The following GALNT13 variants were observed in gnomAD, a reference collection of about 807,000 sequenced individuals.
The protein encoded by GALNT13 is UDP-GalNAc:polypeptide N-acetylgalactosaminyltransferase 13.
Under a neutral mutation model 64.2 loss-of-function variants are expected in GALNT13, and 28 were observed. The observed-to-expected ratio is 0.44, with a 90% CI of 0.32 to 0.60. GALNT13 has a LOEUF of 0.60. GALNT13 is among the 20% of genes least tolerant of loss of function. The pLI is 0.05. For synonymous variants in GALNT13, 214 were observed against 224.6 expected (o/e 0.95, Z 0.42); for missense variants, 577 against 669.8 (o/e 0.86, Z 1.53).
the GALNT13 span, among the ~76,000 whole-genome samples, chr2:153,603,427 C>T: frequency 6.6e-6 from 1 of 151,916 alleles, no homozygotes; most frequent in Non-Finnish European, 1.5e-5. Flanking sequence ...CATTCTGGAA[C>T]AGATACCCAG....
chr2:153,623,064 A>C, the GALNT13 span, among the ~76,000 whole-genome samples: 3 of 152,064 alleles, frequency 2.0e-5, no homozygotes, highest in Non-Finnish European at 4.4e-5. Context: ...CTTCTTTATT[A>C]ATTCTGATGC....
At chr2:153,148,326 A>G in the GALNT13 span, among the ~76,000 whole-genome samples, 4 of 151,882 alleles carry the variant, frequency 2.6e-5, no homozygotes, top group East Asian at 7.8e-4. Context: ...AGGAGGACAT[A>G]CACTCCAGGA....
At chr2:153,255,973 T>C in the GALNT13 span, among the ~76,000 whole-genome samples, 2 of 152,168 alleles carry the variant, frequency 1.3e-5, no homozygotes, top group Admixed American at 6.5e-5. Context: ...AGGAATATCT[T>C]TGTGGCGTTC....
intron 11 of GALNT13, 36 bp from the exon 12 acceptor site, chr2:154,438,556 A>G (rs1350770616): frequency 3.9e-6 from 6 of 1,532,724 alleles, no homozygotes; most frequent in Middle Eastern, 1.7e-4. Flanking sequence ...ATTTTAAAAC[A>G]TACATTTTTT....
the GALNT13 span, among the ~76,000 whole-genome samples, chr2:153,350,490 C>G: frequency 6.7e-6 from 1 of 149,754 alleles, no homozygotes; most frequent in Non-Finnish European, 1.5e-5. Context: ...TCAAGCGATT[C>G]TCCTACCTCA....
chr2:153,739,625 A>T, the GALNT13 span, among the ~76,000 whole-genome samples: 7 of 69,830 alleles, frequency 1.0e-4, no homozygotes, highest in South Asian at 5.9e-4. Context: ...GATTTTATTT[A>T]TTATTTTATT....
chr2:154,103,009 A>G (rs1702427257), intron 3 of GALNT13, among the ~76,000 whole-genome samples: 1 of 151,610 alleles, frequency 6.6e-6, no homozygotes, highest in Non-Finnish European at 1.5e-5. Flanking sequence ...TTTGTATAGT[A>G]TTTTCCAGGT....
At chr2:154,383,519 T>C (rs1255256835) in intron 9 of GALNT13, among the ~76,000 whole-genome samples, 1 of 152,012 alleles carries the variant, frequency 6.6e-6, no homozygotes, top group Admixed American at 6.6e-5. Context: ...AGATGCTCCT[T>C]GAGTTACTAA....
the GALNT13 span, among the ~76,000 whole-genome samples, chr2:153,406,517 C>T: frequency 1.8e-4 from 27 of 152,028 alleles, no homozygotes; most frequent in African/African-American, 6.0e-4. Flanking sequence ...AAGCGATTCT[C>T]GTGCCTCAGT....
intron 2 of GALNT13, among the ~76,000 whole-genome samples, chr2:153,925,912 G>C (rs946752104): frequency 6.6e-6 from 1 of 152,104 alleles, no homozygotes; most frequent in African/African-American, 2.4e-5. Context: ...TTTGTATCCT[G>C]AAACTTTGCT....
chr2:154,099,780 A>G (rs1360413392), intron 3 of GALNT13, among the ~76,000 whole-genome samples: 2 of 152,088 alleles, frequency 1.3e-5, no homozygotes, highest in Non-Finnish European at 1.5e-5. Context: ...TCTACAAAAA[A>G]TTTTAAGAAA....
At chr2:153,720,181 G>A in the GALNT13 span, among the ~76,000 whole-genome samples, 2 of 146,012 alleles carry the variant, frequency 1.4e-5, no homozygotes, top group African/African-American at 5.2e-5. Context: ...TAACTGGGAG[G>A]CACCCCCCAG....
the GALNT13 span, among the ~76,000 whole-genome samples, chr2:153,732,438 G>C: frequency 7.2e-5 from 11 of 151,974 alleles, no homozygotes; most frequent in African/African-American, 2.7e-4. Context: ...TACCACCACA[G>C]TTGATTCTCA....
At chr2:153,439,907 C>T in the GALNT13 span, among the ~76,000 whole-genome samples, 22 of 152,320 alleles carry the variant, frequency 1.4e-4, no homozygotes, top group East Asian at 3.3e-3. Flanking sequence ...TTTTCTGTGT[C>T]GCTCACGCTG....
intron 3 of GALNT13, among the ~76,000 whole-genome samples, chr2:154,023,390 T>A (rs998128983): frequency 3.3e-5 from 5 of 152,326 alleles, no homozygotes; most frequent in African/African-American, 4.8e-5. Flanking sequence ...ATTGGGTATA[T>A]GTATATATTT....
chr2:153,675,498 A>C, the GALNT13 span, among the ~76,000 whole-genome samples: 1 of 152,124 alleles, frequency 6.6e-6, no homozygotes, highest in Non-Finnish European at 1.5e-5. Flanking sequence ...GAATAACAAG[A>C]ACACGTGGAC....
the GALNT13 span, among the ~76,000 whole-genome samples, chr2:153,185,194 G>T: frequency 2.0e-5 from 3 of 152,108 alleles, no homozygotes; most frequent in East Asian, 1.9e-4. Flanking sequence ...TCTTAGGAGG[G>T]TACATGTGTC....
the GALNT13 span, among the ~76,000 whole-genome samples, chr2:153,723,892 C>T: frequency 5.1e-4 from 77 of 150,842 alleles, no homozygotes; most frequent in East Asian, 0.011. Flanking sequence ...AGGTAATTTA[C>T]AGATTCAATG....
chr2:153,244,352 GAAGAGGGGCC>G, the GALNT13 span, among the ~76,000 whole-genome samples: 1 of 152,176 alleles, frequency 6.6e-6, no homozygotes, highest in African/African-American at 2.4e-5. Flanking sequence ...TTGTGTTTCT[GAAGAGGGGCC>G]AAGATGGCCA....
Sources: gnomAD v4.1 joint callset for allele counts (sites outside exome capture counted in the v4.1 genomes callset) on GRCh38, gnomAD v4.1.1 for gene constraint, MANE v1.5 for transcripts, NCBI Gene and HGNC (gene_info 2026-07-23, HGNC 2026-07-21) for gene names.